The following RUNX1 variants were observed in gnomAD, a reference collection of about 807,000 sequenced individuals.
The protein encoded by RUNX1 is RUNX family transcription factor 1, also known as runt-related transcription factor 1.
RUNX1 carries 19 observed loss-of-function variants against 42.8 expected under a neutral mutation model. The observed-to-expected ratio is 0.44, with a 90% CI of 0.31 to 0.65. The LOEUF (loss-of-function observed/expected upper bound fraction) is 0.65. RUNX1 is among the 30% of genes least tolerant of loss of function. The pLI is 0.07. For synonymous variants in RUNX1, 271 were observed against 289.4 expected (o/e 0.94, Z 0.64); for missense variants, 528 against 672.0 (o/e 0.79, Z 2.37).
rs759499371 is a variant in RUNX1 at position 34,889,731 on chromosome 21, C to A, written c.98-2635G>T. The A allele has an allele frequency of 5.9e-6, 7 of 1,182,680 alleles. No homozygotes were observed. In the African/African-American group the frequency reaches 1.1e-4, roughly 19 times the overall value. 73.3% of individuals were successfully genotyped at this position (1,182,680 alleles called of 1,614,324 possible). ...CCCTGCGCCGGTCCCCGCGGTGCTGCGGGCATTTTCGCGGAGCTCGGAGGG... is the reference window on the plus strand; with the variant it reads ...CCCTGCGCCGGTCCCCGCGGTGCTGAGGGCATTTTCGCGGAGCTCGGAGGG... On this transcript the variant is annotated intron_variant, in intron 3 of 8. Transcript: ENST00000675419.
At chr21:34,936,454 A>C (rs2146614969) in intron 2 of RUNX1, among the ~76,000 whole-genome samples, 1 of 152,330 alleles carries the variant, frequency 6.6e-6, no homozygotes, top group African/African-American at 2.4e-5. Flanking sequence ...AGTGCTTGGT[A>C]GCTAACCCAT....
In RUNX1 at chr21:34,790,865, C is replaced by CAGTT. The variant is rs1239374679; in HGVS notation, c.*1266_*1269dup. 4.3e-6 allele frequency: 1 copy of CAGTT among 233,180 alleles called. No homozygotes were observed. Among genetic ancestry groups the CAGTT allele is most frequent in the East Asian group, 6.0e-5 (1 of 16,594 alleles). 14.4% of individuals were successfully genotyped at this position (233,180 alleles called of 1,614,324 possible). A position where few individuals can be genotyped will look rare whatever the true frequency, so the allele number is the denominator to read the frequency against. ...CCTATGTAAATGTGGCTCCCCTACA[C>CAGTT]AGTTTACTTTGGCTGTGTTCTGTTA... On this transcript the variant is annotated 3_prime_UTR_variant, in exon 9 of 9. Transcript: ENST00000675419.
chr21:34,965,360 G>T (rs570026602), intron 2 of RUNX1, among the ~76,000 whole-genome samples: 18 of 152,036 alleles, frequency 1.2e-4, no homozygotes, highest in Admixed American at 2.0e-4. Flanking sequence ...CATCTGGAGC[G>T]TTTTTATGCA....
chr21:34,992,958 G>C (rs1295022887), intron 2 of RUNX1, among the ~76,000 whole-genome samples: 1 of 152,224 alleles, frequency 6.6e-6, no homozygotes, highest in African/African-American at 2.4e-5. Context: ...GGAGGGGAGC[G>C]GAGACTCCCT....
chr21:35,014,176 GTTATC>G (rs749543655), intron 2 of RUNX1, among the ~76,000 whole-genome samples: 1 of 152,080 alleles, frequency 6.6e-6, no homozygotes, highest in Non-Finnish European at 1.5e-5. Context: ...TAATATCTTA[GTTATC>G]TTAGTTAACC....
At chr21:35,023,006 A>T (rs993758627) in intron 2 of RUNX1, among the ~76,000 whole-genome samples, 1 of 151,620 alleles carries the variant, frequency 6.6e-6, no homozygotes, top group East Asian at 1.9e-4. Context: ...GTACAGTAGC[A>T]TGATTACGGC....
intron 2 of RUNX1, among the ~76,000 whole-genome samples, chr21:34,966,822 T>C (rs866379317): frequency 2.0e-4 from 31 of 152,286 alleles, no homozygotes; most frequent in South Asian, 6.2e-4. Context: ...GAGTTTTCGA[T>C]TTTCACTTTT....
chr21:34,891,149 C>T (rs953745306), intron 3 of RUNX1, among the ~76,000 whole-genome samples: 2 of 152,208 alleles, frequency 1.3e-5, no homozygotes, highest in Non-Finnish European at 2.9e-5. Context: ...TGCGGTCTCC[C>T]AGGAGGGAGT....
intron 7 of RUNX1, chr21:34,821,202 G>C (rs2056902971): frequency 2.4e-5 from 25 of 1,024,268 alleles, no homozygotes; most frequent in Non-Finnish European, 2.8e-5. Flanking sequence ...GTAGCTGTGT[G>C]ACTTGGAGAG....
At chr21:34,989,021 T>G (rs2058914952) in intron 2 of RUNX1, among the ~76,000 whole-genome samples, 1 of 151,912 alleles carries the variant, frequency 6.6e-6, no homozygotes, top group African/African-American at 2.4e-5. Flanking sequence ...TCTCTTTTTT[T>G]TTTTTTAGAT....
intron 3 of RUNX1, 103 bp from the exon 4 acceptor site, chr21:34,887,199 G>A (rs527890910): frequency 6.8e-5 from 89 of 1,305,438 alleles, no homozygotes; most frequent in Admixed American, 5.5e-4. Context: ...CAGCTCCCGG[G>A]AGACCAACAT....
intron 2 of RUNX1, among the ~76,000 whole-genome samples, chr21:34,897,796 C>A (rs898139538): frequency 6.6e-6 from 1 of 152,190 alleles, no homozygotes; most frequent in African/African-American, 2.4e-5. Context: ...ATGAACCCCT[C>A]AAACTTTCCA....
At chr21:34,963,433 G>A (rs1000399049) in intron 2 of RUNX1, among the ~76,000 whole-genome samples, 11 of 152,136 alleles carry the variant, frequency 7.2e-5, no homozygotes, top group Non-Finnish European at 1.3e-4. Context: ...ACTGAGAGTC[G>A]TCTCTCGTCC....
intron 2 of RUNX1, among the ~76,000 whole-genome samples, chr21:35,027,849 A>T (rs1490838489): frequency 6.6e-6 from 1 of 152,244 alleles, no homozygotes; most frequent in Non-Finnish European, 1.5e-5. Flanking sequence ...GTGTAATGGT[A>T]CAGAATTTGG....
chr21:34,895,407 T>C (rs2058122082), intron 2 of RUNX1, among the ~76,000 whole-genome samples: 1 of 152,072 alleles, frequency 6.6e-6, no homozygotes, highest in African/African-American at 2.4e-5. Flanking sequence ...GTCATGGCTG[T>C]TGGTGGACAC....
At chr21:34,822,121 T>C (rs1013509629) in intron 7 of RUNX1, among the ~76,000 whole-genome samples, 2 of 152,216 alleles carry the variant, frequency 1.3e-5, no homozygotes, top group Non-Finnish European at 2.9e-5. Flanking sequence ...TCACGGGAAC[T>C]GCAGTATCCA....
At chr21:34,911,800 C>G (rs1298013722) in intron 2 of RUNX1, among the ~76,000 whole-genome samples, 1 of 152,156 alleles carries the variant, frequency 6.6e-6, no homozygotes, top group African/African-American at 2.4e-5. Flanking sequence ...CACAGACGCG[C>G]CAAGCTTTTT....
At chr21:34,974,787 T>C (rs1340228753) in intron 2 of RUNX1, among the ~76,000 whole-genome samples, 2 of 152,240 alleles carry the variant, frequency 1.3e-5, no homozygotes, top group South Asian at 2.1e-4. Context: ...TGCTCTTGTT[T>C]ATTTTAACAG....
chr21:35,029,490 T>A (rs573841294), intron 2 of RUNX1, among the ~76,000 whole-genome samples: 1 of 152,272 alleles, frequency 6.6e-6, no homozygotes, highest in East Asian at 1.9e-4. Flanking sequence ...AGTGGGGTAG[T>A]TATGGAGACC....
Sources: gnomAD v4.1 joint callset for allele counts (sites outside exome capture counted in the v4.1 genomes callset) on GRCh38, gnomAD v4.1.1 for gene constraint, MANE v1.5 for transcripts, NCBI Gene and HGNC (gene_info 2026-07-23, HGNC 2026-07-21) for gene names.